Variants in LDB2 observed in about 807,000 individuals in gnomAD.
LDB2 encodes the protein LIM domain-binding protein 2.
Under a neutral mutation model 44.3 loss-of-function variants are expected in LDB2, and 12 were observed. The observed-to-expected ratio is 0.27, with a 90% CI of 0.17 to 0.44. The LOEUF (loss-of-function observed/expected upper bound fraction) is 0.44, where lower values mean the gene tolerates loss of function less well. LDB2 is among the 20% of genes least tolerant of loss of function. The pLI is 1.00. For synonymous variants in LDB2, 164 were observed against 174.8 expected, an observed-to-expected ratio of 0.94 and a Z score of 0.49; for missense variants, 344 against 473.5, an observed-to-expected ratio of 0.73 and a Z score of 2.54.
chr4:16,876,328 C>T (rs768899845), intron 1 of LDB2, among the ~76,000 whole-genome samples: 1 of 152,296 alleles, frequency 6.6e-6, no homozygotes, highest in South Asian at 2.1e-4. Context: ...TCTGCTCTAA[C>T]GCTGCCTCTA....
rs1771405825 is a variant in LDB2 at position 16,774,256 on chromosome 4, G to GGC, written c.133-14998_133-14997dup. ...CAACCATCCCTTGTTCATTCCTCAA[G>GGC]GCTTCCATCCTGTCCTGCCTTGATC... On this transcript the variant is annotated intron_variant, in intron 1 of 7. Transcript: ENST00000304523. 3.3e-5 allele frequency among the ~76,000 whole-genome samples: 5 copies of GGC among 151,586 alleles called. No individual in the cohort carries two copies. The South Asian group carries it at 1.0e-3, about 32-fold the overall frequency.
chr4:16,805,153 T>G (rs770994009), intron 1 of LDB2, among the ~76,000 whole-genome samples: 2 of 152,102 alleles, frequency 1.3e-5, no homozygotes, highest in African/African-American at 2.4e-5. Context: ...ACACTAATTC[T>G]ATCATGAAGG....
chr4:16,815,490 T>C (rs1780727892), intron 1 of LDB2, among the ~76,000 whole-genome samples: 1 of 152,262 alleles, frequency 6.6e-6, no homozygotes, highest in African/African-American at 2.4e-5. Flanking sequence ...GTGGTGTTTA[T>C]TGAAATCTAG....
intron 1 of LDB2, among the ~76,000 whole-genome samples, chr4:16,816,842 T>C (rs1251351691): frequency 1.3e-5 from 2 of 152,222 alleles, no homozygotes; most frequent in South Asian, 2.1e-4. Context: ...ATATATAGTC[T>C]CAATTTCCCA....
At chr4:16,511,248 G>T (rs1256263401) in intron 6 of LDB2, among the ~76,000 whole-genome samples, 1 of 152,098 alleles carries the variant, frequency 6.6e-6, no homozygotes, top group Non-Finnish European at 1.5e-5. Flanking sequence ...GCTACATTTT[G>T]CTTTTATGAT....
chr4:16,587,349 T>A (rs1717358681), intron 4 of LDB2, among the ~76,000 whole-genome samples: 1 of 152,186 alleles, frequency 6.6e-6, no homozygotes, highest in African/African-American at 2.4e-5. Context: ...ATCTTATAGA[T>A]GAGGGACTAC....
chr4:16,532,405 A>C (rs1443259493), intron 5 of LDB2, among the ~76,000 whole-genome samples: 3 of 152,232 alleles, frequency 2.0e-5, no homozygotes, highest in African/African-American at 7.2e-5. Flanking sequence ...ATGCCAATGC[A>C]AAAGCTAGCT....
intron 2 of LDB2, among the ~76,000 whole-genome samples, chr4:16,641,310 A>G (rs1003830187): frequency 2.0e-5 from 3 of 152,226 alleles, no homozygotes; most frequent in Non-Finnish European, 4.4e-5. Context: ...TATGTGGAAA[A>G]CAAGGCATGT....
At chr4:16,665,750 C>A (rs1388650379) in intron 2 of LDB2, among the ~76,000 whole-genome samples, 1 of 151,690 alleles carries the variant, frequency 6.6e-6, no homozygotes, top group Non-Finnish European at 1.5e-5. Context: ...GTAAATGTGA[C>A]CTTAAATGGA....
chr4:16,567,937 C>T (rs1033531354), intron 5 of LDB2, among the ~76,000 whole-genome samples: 3 of 152,046 alleles, frequency 2.0e-5, no homozygotes, highest in Admixed American at 2.0e-4. Context: ...CAATAAATGG[C>T]TGTTATATTC....
intron 2 of LDB2, among the ~76,000 whole-genome samples, chr4:16,685,695 CA>C (rs1749070727): frequency 6.6e-6 from 1 of 152,178 alleles, no homozygotes; most frequent in African/African-American, 2.4e-5. Context: ...CCTAACATCA[CA>C]AGCAAAGCTG....
intron 2 of LDB2, among the ~76,000 whole-genome samples, chr4:16,607,604 G>C (rs561935370): frequency 1.4e-4 from 22 of 151,888 alleles, no homozygotes; most frequent in Non-Finnish European, 2.5e-4. Flanking sequence ...TGCACGTGAA[G>C]TGCTTAGCAC....
intron 5 of LDB2, among the ~76,000 whole-genome samples, chr4:16,557,101 T>A (rs909219447): frequency 2.6e-5 from 4 of 152,200 alleles, no homozygotes; most frequent in Non-Finnish European, 5.9e-5. Context: ...ACAGCCAAGA[T>A]GGCCGAATAG....
rs138144021 is a variant in LDB2, at chr4:16,574,957, GTCT to G, written c.615+10962_615+10964del. On this transcript the variant is annotated intron_variant, in intron 5 of 7. Coordinates refer to ENST00000304523, the MANE Select transcript of LDB2 (RefSeq NM_001290.5). ...TGCTGACTCCAAAACACATTTATTT[GTCT>G]TCTTCTTATTATTATTCCTATTATT... 4.4e-3 allele frequency among the ~76,000 whole-genome samples: 668 copies of G among 152,270 alleles called. 9 individuals carry two copies. Among genetic ancestry groups the G allele is most frequent in the African/African-American group, 0.015 (638 of 41,546 alleles).
At chr4:16,635,687 A>G (rs1338539434) in intron 2 of LDB2, among the ~76,000 whole-genome samples, 1 of 152,166 alleles carries the variant, frequency 6.6e-6, no homozygotes, top group African/African-American at 2.4e-5. Context: ...AAAAAAAATA[A>G]TAAAAATAGA....
At chr4:16,733,336 C>A (rs947016205) in intron 2 of LDB2, among the ~76,000 whole-genome samples, 2 of 149,240 alleles carry the variant, frequency 1.3e-5, no homozygotes, top group African/African-American at 4.9e-5. Flanking sequence ...AACAGATACC[C>A]AATGATTAAG....
At chr4:16,748,485 C>A (rs919079145) in intron 2 of LDB2, among the ~76,000 whole-genome samples, 13 of 152,144 alleles carry the variant, frequency 8.5e-5, no homozygotes, top group African/African-American at 3.1e-4. Context: ...TGTCATGGAG[C>A]CTCTACATTC....
chr4:16,615,065 G>T (rs868567348), intron 2 of LDB2, among the ~76,000 whole-genome samples: 2 of 85,950 alleles, frequency 2.3e-5, no homozygotes, highest in African/African-American at 4.7e-5. Flanking sequence ...GCGAGACTCC[G>T]TCTCAAAAAA....
chr4:16,608,639 A>C (rs1724656189), intron 2 of LDB2, among the ~76,000 whole-genome samples: 1 of 152,208 alleles, frequency 6.6e-6, no homozygotes, highest in African/African-American at 2.4e-5. Context: ...TCATAGGTTA[A>C]AACACACATA....
Sources: allele counts gnomAD v4.1 joint callset (sites outside exome capture counted in the v4.1 genomes callset), GRCh38; gene constraint gnomAD v4.1.1; transcripts MANE v1.5; gene names NCBI Gene and HGNC (gene_info 2026-07-23, HGNC 2026-07-21).